Variants in PCDH15 observed in about 807,000 individuals in gnomAD.
PCDH15 encodes the protein protocadherin related 15, also known as protocadherin-15.
In PCDH15, 129 loss-of-function variants were observed where a neutral mutation model predicts 178.5. The observed-to-expected ratio is 0.72, with a 90% CI of 0.63 to 0.84. The LOEUF (loss-of-function observed/expected upper bound fraction) is 0.84, where lower values mean the gene tolerates loss of function less well. Among genes scored for constraint, PCDH15 ranks in the 40% least tolerant of loss-of-function variants. The pLI, the probability that PCDH15 is intolerant of heterozygous loss-of-function variation, is 0.00. For synonymous variants in PCDH15, 800 were observed against 732.0 expected, an observed-to-expected ratio of 1.09 and a Z score of -1.50; for missense variants, 2,230 against 2,099.9, an observed-to-expected ratio of 1.06 and a Z score of -1.21.
chr10:54,051,535 G>T (rs1315338410), intron 18 of PCDH15, among the ~76,000 whole-genome samples: 2 of 152,202 alleles, frequency 1.3e-5, no homozygotes, highest in Middle Eastern at 3.2e-3. Context: ...CCAGATACCT[G>T]TGGAACTTTA....
At chr10:55,085,764 A>G (rs1842153932) in intron 2 of PCDH15, among the ~76,000 whole-genome samples, 1 of 151,914 alleles carries the variant, frequency 6.6e-6, no homozygotes, top group Admixed American at 6.6e-5. Context: ...GTAGTTACAG[A>G]TGAAAAGTCC....
chr10:53,833,627 T>G (rs2077139122), intron 29 of PCDH15, among the ~76,000 whole-genome samples: 2 of 151,978 alleles, frequency 1.3e-5, no homozygotes, highest in South Asian at 4.1e-4. Flanking sequence ...CATATTCAGA[T>G]ACTATTCAAA....
At chr10:54,288,004 T>G (rs528936795) in intron 8 of PCDH15, among the ~76,000 whole-genome samples, 1 of 152,166 alleles carries the variant, frequency 6.6e-6, no homozygotes, top group African/African-American at 2.4e-5. Flanking sequence ...CCTTTTGGAA[T>G]AGTTGATGAT....
chr10:54,863,491 G>A (rs12784613), intron 3 of PCDH15, among the ~76,000 whole-genome samples: 25,865 of 152,150 alleles, frequency 0.17, 2,293 homozygotes, highest in Middle Eastern at 0.19. Context: ...GCAGCGAGCC[G>A]AGATCGTGCC....
chr10:54,487,930 AT>A (rs36013758), intron 3 of PCDH15, among the ~76,000 whole-genome samples: 2 of 151,972 alleles, frequency 1.3e-5, no homozygotes, highest in African/African-American at 4.8e-5. Flanking sequence ...GCTGATAAGC[AT>A]TTTTTCTAAA....
In PCDH15 at chr10:54,538,953, G is replaced by A. The variant is rs137934061; in HGVS notation, c.92-11076C>T. Among the ~76,000 whole-genome samples, 608 of 152,266 alleles carry A rather than the reference G, an allele frequency of 4.0e-3. 3 individuals carry two copies. Among genetic ancestry groups the A allele is most frequent in the Non-Finnish European group, 7.3e-3 (495 of 68,006 alleles). On this transcript the variant is annotated intron_variant, in intron 2 of 37. Transcript: ENST00000644397. ...GAATTTCAGAATTTTTTCTAATTCT[G>A]TGTAAAATGGCATTGAAAGTTCAGT...
chr10:55,611,234 GA>G (rs1239860432), intron 2 of PCDH15, among the ~76,000 whole-genome samples: 4 of 152,066 alleles, frequency 2.6e-5, no homozygotes, highest in Admixed American at 1.3e-4. Context: ...ACAACTCACA[GA>G]ATGAGAGAAA....
intron 25 of PCDH15, among the ~76,000 whole-genome samples, chr10:53,930,418 A>G (rs2084946987): frequency 8.4e-6 from 1 of 118,680 alleles, no homozygotes; most frequent in African/African-American, 3.2e-5. Flanking sequence ...AGACCGTGCC[A>G]CTGTACTCCA....
intron 18 of PCDH15, among the ~76,000 whole-genome samples, chr10:54,057,913 A>G (rs10825212): frequency 0.6 from 91,279 of 151,978 alleles, 27,576 homozygotes; most frequent in Middle Eastern, 0.75. Context: ...GCAAAATGCC[A>G]CCAGTCTCTT....
At chr10:54,731,541 GATAGATATATATAT>G (rs1943346645) in intron 1 of PCDH15, among the ~76,000 whole-genome samples, 1 of 68,318 alleles carries the variant, frequency 1.5e-5, no homozygotes, top group South Asian at 5.5e-4. Context: ...GAAAATGTGA[GATAGATATATATAT>G]ATATATATAC....
intron 8 of PCDH15, among the ~76,000 whole-genome samples, chr10:54,293,408 C>T (rs138569613): frequency 6.6e-6 from 1 of 152,118 alleles, no homozygotes; most frequent in Non-Finnish European, 1.5e-5. Flanking sequence ...TAGGCATAGG[C>T]AAACACTTCA....
intron 2 of PCDH15, among the ~76,000 whole-genome samples, chr10:55,051,912 A>G (rs1392688122): frequency 6.6e-6 from 1 of 152,056 alleles, no homozygotes; most frequent in Non-Finnish European, 1.5e-5. Flanking sequence ...TGGCCTTGGG[A>G]AAATAGACTA....
chr10:54,499,686 A>G (rs1251856076), intron 3 of PCDH15, among the ~76,000 whole-genome samples: 1 of 152,166 alleles, frequency 6.6e-6, no homozygotes, highest in Non-Finnish European at 1.5e-5. Flanking sequence ...GTTAAGAGGA[A>G]GGTTCATAGG....
intron 3 of PCDH15, among the ~76,000 whole-genome samples, chr10:54,450,461 A>G (rs546228235): frequency 1.7e-4 from 26 of 151,690 alleles, no homozygotes; most frequent in African/African-American, 4.8e-4. Flanking sequence ...TTTGTCATTT[A>G]GCTCAACTTT....
intron 2 of PCDH15, among the ~76,000 whole-genome samples, chr10:55,063,194 A>G (rs773787149): frequency 5.9e-5 from 9 of 152,156 alleles, no homozygotes; most frequent in African/African-American, 2.2e-4. Flanking sequence ...GAAAATGTAC[A>G]TAAGTAGACT....
chr10:55,373,462 T>C (rs916259955), intron 2 of PCDH15, among the ~76,000 whole-genome samples: 8 of 151,854 alleles, frequency 5.3e-5, no homozygotes, highest in African/African-American at 1.9e-4. Context: ...CATTTCCAAG[T>C]AATTACTCTA....
intron 9 of PCDH15, among the ~76,000 whole-genome samples, chr10:54,214,289 G>T (rs954161412): frequency 6.6e-6 from 1 of 151,910 alleles, no homozygotes; most frequent in Non-Finnish European, 1.5e-5. Context: ...TTATTAAGAG[G>T]GCTCTAATTA....
chr10:54,015,990 G>A (rs1589925436), intron 20 of PCDH15, among the ~76,000 whole-genome samples: 1 of 152,202 alleles, frequency 6.6e-6, no homozygotes, highest in East Asian at 1.9e-4. Context: ...GCCACCTACA[G>A]AATGGGTGAA....
chr10:55,521,345 A>G (rs1841170765), intron 2 of PCDH15, among the ~76,000 whole-genome samples: 1 of 150,780 alleles, frequency 6.6e-6, no homozygotes, highest in African/African-American at 2.4e-5. Flanking sequence ...ATCATAAATC[A>G]AAAGTATTTT....
Sources: gnomAD v4.1 joint callset for allele counts (sites outside exome capture counted in the v4.1 genomes callset) on GRCh38, gnomAD v4.1.1 for gene constraint, MANE v1.5 for transcripts, NCBI Gene and HGNC (gene_info 2026-07-23, HGNC 2026-07-21) for gene names.